Variants in GALNT13 observed in about 807,000 individuals in gnomAD.
GALNT13 encodes UDP-GalNAc:polypeptide N-acetylgalactosaminyltransferase 13.
Under a neutral mutation model 64.2 loss-of-function variants are expected in GALNT13, and 28 were observed. That is an observed-to-expected ratio of 0.44 (90% confidence interval 0.32 to 0.60). The LOEUF is 0.60. Among genes scored for constraint, GALNT13 ranks in the 20% least tolerant of loss-of-function variants. The probability of loss-of-function intolerance (pLI) is 0.05; values close to 1 mark genes in which losing one functional copy is unlikely to be tolerated. For synonymous variants in GALNT13, 214 were observed against 224.6 expected (o/e 0.95, Z 0.42); for missense variants, 577 against 669.8 (o/e 0.86, Z 1.53).
At chr2:153,980,139 C>T (rs1694362848) in intron 3 of GALNT13, among the ~76,000 whole-genome samples, 1 of 152,122 alleles carries the variant, frequency 6.6e-6, no homozygotes, top group African/African-American at 2.4e-5. Flanking sequence ...ATTTTGGAGA[C>T]AGGGAGAATG....
At chr2:153,526,906 GAAGA>G in the GALNT13 span, among the ~76,000 whole-genome samples, 1 of 152,126 alleles carries the variant, frequency 6.6e-6, no homozygotes, top group Non-Finnish European at 1.5e-5. Flanking sequence ...TTGGTGTAAT[GAAGA>G]AGCATCAGAG....
the GALNT13 span, among the ~76,000 whole-genome samples, chr2:153,777,206 A>C: frequency 6.6e-6 from 1 of 152,144 alleles, no homozygotes; most frequent in African/African-American, 2.4e-5. Context: ...AAATCCTGCA[A>C]GTGAATGTTG....
chr2:154,144,154 G>A lies in GALNT13; in HGVS notation c.311+3649G>A, dbSNP rs965116723. Among the ~76,000 whole-genome samples the A allele has an allele frequency of 2.0e-4, 31 of 152,076 alleles. 1 individual carries two copies. The highest frequency in any genetic ancestry group is 7.5e-4 in the African/African-American group (31 of 41,528). On this transcript the variant is annotated intron_variant, in intron 4 of 12. Transcript: ENST00000392825. ...TATAAAACTACAGTATATGTTATAA[G>A]TAAGAAAACAGTAATACCATCCAAA...
At chr2:154,325,857 G>A (rs556683933) in intron 9 of GALNT13, among the ~76,000 whole-genome samples, 2 of 151,972 alleles carry the variant, frequency 1.3e-5, no homozygotes, top group African/African-American at 4.8e-5. Flanking sequence ...CAGCTGTGAG[G>A]GTAACTCATT....
chr2:153,695,790 T>C, the GALNT13 span, among the ~76,000 whole-genome samples: 1 of 152,268 alleles, frequency 6.6e-6, no homozygotes, highest in African/African-American at 2.4e-5. Context: ...TTTGAAGAAG[T>C]AAGCACATTT....
chr2:153,653,297 G>A, the GALNT13 span, among the ~76,000 whole-genome samples: 1 of 152,168 alleles, frequency 6.6e-6, no homozygotes, highest in Non-Finnish European at 1.5e-5. Flanking sequence ...CCACTAGGGA[G>A]CTTTAGAGAG....
At chr2:153,557,694 A>G in the GALNT13 span, among the ~76,000 whole-genome samples, 6 of 152,170 alleles carry the variant, frequency 3.9e-5, no homozygotes, top group African/African-American at 1.2e-4. Flanking sequence ...ACATCCTTCA[A>G]TTGGCTGTCA....
chr2:153,325,970 TC>T, the GALNT13 span, among the ~76,000 whole-genome samples: 2 of 152,158 alleles, frequency 1.3e-5, no homozygotes, highest in East Asian at 3.9e-4. Context: ...GAATGTATAT[TC>T]TGTTGATTTG....
chr2:154,307,660 T>G (rs1574061936), intron 9 of GALNT13, among the ~76,000 whole-genome samples: 1 of 152,256 alleles, frequency 6.6e-6, no homozygotes, highest in East Asian at 1.9e-4. Flanking sequence ...TTCTTAAGGA[T>G]GCAAATACTA....
the GALNT13 span, among the ~76,000 whole-genome samples, chr2:153,292,073 A>G: frequency 6.6e-6 from 1 of 152,180 alleles, no homozygotes; most frequent in African/African-American, 2.4e-5. Context: ...GCTTGGTTAC[A>G]CTTCTATCCA....
At chr2:153,637,233 A>G in the GALNT13 span, among the ~76,000 whole-genome samples, 3 of 152,166 alleles carry the variant, frequency 2.0e-5, no homozygotes, top group Non-Finnish European at 2.9e-5. Context: ...TATATGATGT[A>G]TTAATTCCCT....
chr2:154,107,588 C>CAAAAA lies in GALNT13; in HGVS notation c.143-32737_143-32733dup, dbSNP rs145286349. Among the ~76,000 whole-genome samples the CAAAAA allele has an allele frequency of 5.5e-5, 4 of 72,244 alleles. No individual in the cohort carries two copies. The East Asian group carries it at 7.9e-4, about 14-fold the overall frequency. The allele number at this position is 72,244 out of a possible 152,430, so 47.4% of individuals were successfully genotyped here. A position where few individuals can be genotyped will look rare whatever the true frequency, so the allele number is the denominator to read the frequency against. On this transcript the variant is annotated intron_variant, in intron 3 of 12. Coordinates refer to ENST00000392825, the MANE Select transcript of GALNT13 (RefSeq NM_052917.4). ...TTGGCAACAGAGTGAGACTACATCA[C>CAAAAA]AAAAAAAAAAAAAAAAGAAAGAAAA...
chr2:154,084,275 A>G (rs894704593), intron 3 of GALNT13, among the ~76,000 whole-genome samples: 2 of 151,856 alleles, frequency 1.3e-5, no homozygotes, highest in African/African-American at 4.8e-5. Context: ...TCTAATTATA[A>G]ATTAATGATG....
At chr2:154,194,859 A>AT (rs5835502) in intron 4 of GALNT13, among the ~76,000 whole-genome samples, 41,778 of 142,528 alleles carry the variant, frequency 0.29, 6,069 homozygotes, top group Middle Eastern at 0.4. Context: ...CTAGAGCTGT[A>AT]TTTTTTTTTT....
At chr2:154,005,221 G>A (rs1236976880) in intron 3 of GALNT13, among the ~76,000 whole-genome samples, 1 of 152,008 alleles carries the variant, frequency 6.6e-6, no homozygotes, top group Non-Finnish European at 1.5e-5. Context: ...TGTTATATTG[G>A]TATTGATATA....
chr2:154,014,735 C>T (rs1186692714), intron 3 of GALNT13, among the ~76,000 whole-genome samples: 2 of 148,286 alleles, frequency 1.3e-5, no homozygotes, highest in Non-Finnish European at 3.0e-5. Flanking sequence ...TGGGTTCACG[C>T]CATTCTCCTG....
chr2:153,128,599 A>G, the GALNT13 span, among the ~76,000 whole-genome samples: 3 of 152,130 alleles, frequency 2.0e-5, no homozygotes, highest in African/African-American at 7.2e-5. Context: ...GTATAATTCA[A>G]AATGGCACTC....
chr2:153,702,090 T>G, the GALNT13 span, among the ~76,000 whole-genome samples: 1 of 152,120 alleles, frequency 6.6e-6, no homozygotes, highest in African/African-American at 2.4e-5. Context: ...TAAATGCCCA[T>G]CACTGATAGA....
At chr2:154,010,487 G>A (rs1696558826) in intron 3 of GALNT13, among the ~76,000 whole-genome samples, 1 of 152,148 alleles carries the variant, frequency 6.6e-6, no homozygotes, top group African/African-American at 2.4e-5. Flanking sequence ...TATTTGGTTT[G>A]CTAGTATTTT....
Sources: gnomAD v4.1 joint callset for allele counts (sites outside exome capture counted in the v4.1 genomes callset) on GRCh38, gnomAD v4.1.1 for gene constraint, MANE v1.5 for transcripts, NCBI Gene and HGNC (gene_info 2026-07-23, HGNC 2026-07-21) for gene names.